The following PLCH1 variants were observed in gnomAD, a reference collection of about 807,000 sequenced individuals.
PLCH1 encodes phospholipase C eta 1.
A neutral mutation model predicts 126.7 loss-of-function variants in PLCH1; 60 were observed. The ratio of observed to expected loss-of-function variants is 0.47; its 90% CI spans 0.38 to 0.59. The LOEUF (loss-of-function observed/expected upper bound fraction) is 0.59, where lower values mean the gene tolerates loss of function less well. Among genes scored for constraint, PLCH1 ranks in the 20% least tolerant of loss-of-function variants. The pLI, the probability that PLCH1 is intolerant of heterozygous loss-of-function variation, is 0.00. For synonymous variants in PLCH1, 719 were observed against 734.9 expected, an observed-to-expected ratio of 0.98 and a Z score of 0.35; for missense variants, 1,723 against 2,040.0, an observed-to-expected ratio of 0.84 and a Z score of 2.99.
chr3:155,572,574 C>T (rs1055947088), intron 6 of PLCH1, among the ~76,000 whole-genome samples: 1 of 152,102 alleles, frequency 6.6e-6, no homozygotes, highest in African/African-American at 2.4e-5. Context: ...AGAATCTTAC[C>T]TTTCCATGCT....
At chr3:155,519,563 A>G (rs59992845) in intron 11 of PLCH1, among the ~76,000 whole-genome samples, 11,905 of 151,962 alleles carry the variant, frequency 0.078, 1,044 homozygotes, top group African/African-American at 0.22. Context: ...CCTTGAAAGG[A>G]ACCTTCCAAA....
intron 4 of PLCH1, among the ~76,000 whole-genome samples, chr3:155,586,887 T>G (rs1731449840): frequency 6.6e-6 from 1 of 152,216 alleles, no homozygotes; most frequent in Non-Finnish European, 1.5e-5. Context: ...CTAATCCTCA[T>G]GGATACTAAA....
chr3:155,551,661 C>A (rs9866950), intron 9 of PLCH1, among the ~76,000 whole-genome samples: 2 of 127,756 alleles, frequency 1.6e-5, no homozygotes, highest in South Asian at 5.1e-4. Flanking sequence ...TTCCACCCTA[C>A]GCTGCACAGG....
chr3:155,576,212 G>A (rs1375046348), intron 6 of PLCH1, among the ~76,000 whole-genome samples: 1 of 152,114 alleles, frequency 6.6e-6, no homozygotes, highest in Admixed American at 6.6e-5. Flanking sequence ...TATGAGGTTG[G>A]GGTGGGTGGG....
At chr3:155,624,603 A>G (rs1736991133) in intron 2 of PLCH1, among the ~76,000 whole-genome samples, 1 of 111,876 alleles carries the variant, frequency 8.9e-6, no homozygotes, top group African/African-American at 5.1e-5. Flanking sequence ...CTATACACGA[A>G]TAACAGAGAG....
At chr3:155,475,930 T>C (rs1489356821), downstream of PLCH1, among the ~76,000 whole-genome samples, 2 of 151,756 alleles carry the variant, frequency 1.3e-5, no homozygotes, top group African/African-American at 4.8e-5. Flanking sequence ...TTCCAGAAAA[T>C]AGAGGAAGAA....
chr3:155,720,051 C>T (rs1321083602), intron 1 of PLCH1, among the ~76,000 whole-genome samples: 5 of 152,184 alleles, frequency 3.3e-5, no homozygotes, highest in Non-Finnish European at 7.3e-5. Flanking sequence ...GCCTCAGCTT[C>T]CCAAAGTGCT....
intron 2 of PLCH1, among the ~76,000 whole-genome samples, chr3:155,598,405 CA>C (rs1733267567): frequency 6.6e-6 from 1 of 152,112 alleles, no homozygotes; most frequent in African/African-American, 2.4e-5. Context: ...CAAATCAAAC[CA>C]ACCAAGCCAA....
chr3:155,586,755 C>T (rs1731434149), intron 4 of PLCH1, among the ~76,000 whole-genome samples: 1 of 152,090 alleles, frequency 6.6e-6, no homozygotes, highest in Non-Finnish European at 1.5e-5. Context: ...GAGAGTTAAA[C>T]CAAATTATTT....
intron 2 of PLCH1, chr3:155,675,915 C>A: frequency 1.3e-6 from 1 of 748,714 alleles, no homozygotes; most frequent in Admixed American, 3.0e-5. Flanking sequence ...TTTAACTTAA[C>A]TAAACATGAA....
intron 2 of PLCH1, among the ~76,000 whole-genome samples, chr3:155,635,408 C>T (rs1312721968): frequency 6.6e-6 from 1 of 152,190 alleles, no homozygotes; most frequent in African/African-American, 2.4e-5. Context: ...TCAGCCACAG[C>T]CTCCAATGGT....
intron 2 of PLCH1, among the ~76,000 whole-genome samples, chr3:155,648,394 T>G (rs1299300134): frequency 1.3e-5 from 2 of 152,184 alleles, no homozygotes; most frequent in Non-Finnish European, 2.9e-5. Context: ...GGACCATTTA[T>G]AGCCTCAGTA....
In PLCH1 at chr3:155,480,812, G is replaced by T; in HGVS notation, c.*156C>A. The stretch of plus-strand genomic sequence containing the variant: ...AATGTCACCAAATCTATATACAAAC[G>T]CATTAACAGGGAGAACACATGAAGT... On this transcript the variant is annotated 3_prime_UTR_variant, in exon 23 of 23. Transcript: ENST00000460012. 1 of 634,690 alleles carries T rather than the reference G, an allele frequency of 1.6e-6. No individual in the cohort carries two copies. Among genetic ancestry groups the T allele is most frequent in the Non-Finnish European group, 2.7e-6 (1 of 364,456 alleles). 39.3% of individuals were successfully genotyped at this position (634,690 alleles called of 1,614,324 possible). A position where few individuals can be genotyped will look rare whatever the true frequency, so the allele number is the denominator to read the frequency against.
At chr3:155,734,093 A>C (rs572618713) in intron 1 of PLCH1, among the ~76,000 whole-genome samples, 1 of 151,798 alleles carries the variant, frequency 6.6e-6, no homozygotes, top group Non-Finnish European at 1.5e-5. Context: ...GCTGGCAAGG[A>C]TATGGAAAAA....
chr3:155,474,903 A>G (rs1713460981), downstream of PLCH1, among the ~76,000 whole-genome samples: 1 of 122,950 alleles, frequency 8.1e-6, no homozygotes, highest in African/African-American at 3.2e-5. Context: ...CAGGAAGGGG[A>G]ATATCACACT....
chr3:155,660,901 A>G (rs981043598), intron 2 of PLCH1, among the ~76,000 whole-genome samples: 2 of 152,200 alleles, frequency 1.3e-5, no homozygotes, highest in African/African-American at 4.8e-5. Flanking sequence ...CCAAATAACA[A>G]AGGTCTGATA....
chr3:155,490,382 A>G (rs1381439603), intron 19 of PLCH1, among the ~76,000 whole-genome samples: 1 of 152,210 alleles, frequency 6.6e-6, no homozygotes, highest in African/African-American at 2.4e-5. Flanking sequence ...AGAGTTTTAC[A>G]TGCTCCAGAA....
chr3:155,508,659 T>C (rs1719004260), intron 12 of PLCH1, among the ~76,000 whole-genome samples: 1 of 108,726 alleles, frequency 9.2e-6, no homozygotes, highest in East Asian at 2.5e-4. Flanking sequence ...ATTACATTTA[T>C]TGATTTGCGT....
At chr3:155,613,014 A>G (rs1735336409) in intron 2 of PLCH1, among the ~76,000 whole-genome samples, 5 of 152,118 alleles carry the variant, frequency 3.3e-5, no homozygotes, top group Admixed American at 2.6e-4. Flanking sequence ...CAAGGTTCCC[A>G]TGAACAACTT....
Sources: gnomAD v4.1 joint callset for allele counts (sites outside exome capture counted in the v4.1 genomes callset) on GRCh38, gnomAD v4.1.1 for gene constraint, MANE v1.5 for transcripts, NCBI Gene and HGNC (gene_info 2026-07-23, HGNC 2026-07-21) for gene names.